VOPP1: variants seen among roughly 807,000 people sequenced by gnomAD.
VOPP1 encodes WW domain binding protein VOPP1.
A neutral mutation model predicts 23.5 loss-of-function variants in VOPP1; 8 were observed. The ratio of observed to expected loss-of-function variants is 0.34; its 90% CI spans 0.20 to 0.61. The LOEUF is 0.61. Ranked by LOEUF, VOPP1 falls within the 20% of genes least tolerant of loss-of-function variation. The pLI is 0.78. For synonymous variants in VOPP1, 83 were observed against 97.3 expected (o/e 0.85, Z 0.86); for missense variants, 174 against 238.1 (o/e 0.73, Z 1.77).
At chr7:55,457,619 A>ATT (rs56695972) in intron 4 of VOPP1, among the ~76,000 whole-genome samples, 4,962 of 149,178 alleles carry the variant, frequency 0.033, 218 homozygotes, top group African/African-American at 0.11. Context: ...TGTTGCCAGC[A>ATT]TTTTTTTTTT....
intron 2 of VOPP1, among the ~76,000 whole-genome samples, chr7:55,517,747 C>T (rs927304888): frequency 6.6e-6 from 1 of 152,152 alleles, no homozygotes; most frequent in Non-Finnish European, 1.5e-5. Context: ...TTGCAGCAGA[C>T]CTCTCCTTGA....
intron 4 of VOPP1, among the ~76,000 whole-genome samples, chr7:55,484,337 G>A (rs937002898): frequency 6.6e-6 from 1 of 152,196 alleles, no homozygotes; most frequent in Non-Finnish European, 1.5e-5. Context: ...TCATCCTCGT[G>A]AGCCTCCTTC....
At chr7:55,551,868 C>T (rs1426282765) in intron 1 of VOPP1, among the ~76,000 whole-genome samples, 2 of 152,020 alleles carry the variant, frequency 1.3e-5, no homozygotes, top group Non-Finnish European at 2.9e-5. Context: ...GGTGAATCCC[C>T]GTCTCTACTA....
chr7:55,472,760 G>T lies in VOPP1; in HGVS notation c.*95C>A. On this transcript the variant is annotated 3_prime_UTR_variant, in exon 5 of 5. Transcript: ENST00000285279. ...GATATCAGAGGAACTGCCCTTAGCAGCCCACGAGACCGTTCCTGGAAGTGA... is the reference window on the plus strand; with the variant it reads ...GATATCAGAGGAACTGCCCTTAGCATCCCACGAGACCGTTCCTGGAAGTGA... 3.4e-6 allele frequency: 2 copies of T among 596,412 alleles called. No individual in the cohort carries two copies. Among genetic ancestry groups the T allele is most frequent in the East Asian group, 3.5e-5 (1 of 28,242 alleles). The allele number at this position is 596,412 out of a possible 1,614,324, so 36.9% of individuals were successfully genotyped here. A position where few individuals can be genotyped will look rare whatever the true frequency, so the allele number is the denominator to read the frequency against.
chr7:55,442,850 C>T (rs1342350611), intron 4 of VOPP1, among the ~76,000 whole-genome samples: 1 of 152,200 alleles, frequency 6.6e-6, no homozygotes, highest in Non-Finnish European at 1.5e-5. Flanking sequence ...GGTGCGGTGG[C>T]TCATGCCTGT....
Position 55,534,295 on chromosome 7 carries a change from T to A in VOPP1, c.55-13165A>T, listed in dbSNP as rs140273207. Among the ~76,000 whole-genome samples, 731 of 152,238 alleles carry A rather than the reference T, an allele frequency of 4.8e-3. 5 individuals are homozygous for A. Among genetic ancestry groups the A allele is most frequent in the Non-Finnish European group, 7.9e-3 (534 of 68,020 alleles). On this transcript the variant is annotated intron_variant, in intron 1 of 4. Transcript: ENST00000285279. ...ATCTGGGGACTTGGCTGTCAAAAGATAATCATCTCTTGCTTCATTTCTCAT... is the reference window on the plus strand; with the variant it reads ...ATCTGGGGACTTGGCTGTCAAAAGAAAATCATCTCTTGCTTCATTTCTCAT...
At chr7:55,446,244 C>T (rs13223710) in intron 4 of VOPP1, among the ~76,000 whole-genome samples, 40,074 of 151,984 alleles carry the variant, frequency 0.26, 6,746 homozygotes, top group Non-Finnish European at 0.38. Flanking sequence ...CTGCCCACCT[C>T]GGCCTCCCAA....
intron 4 of VOPP1, among the ~76,000 whole-genome samples, chr7:55,440,926 A>G (rs1005452454): frequency 9.9e-5 from 15 of 152,246 alleles, no homozygotes; most frequent in African/African-American, 3.6e-4. Context: ...GTCCTGTGCC[A>G]AAACCATGTT....
chr7:55,496,541 G>A (rs1360446193), intron 3 of VOPP1, among the ~76,000 whole-genome samples: 1 of 152,170 alleles, frequency 6.6e-6, no homozygotes, highest in Admixed American at 6.5e-5. Context: ...GGCTTACCGG[G>A]CTGGTCCTAA....
At chr7:55,506,440 A>G (rs947687212) in intron 2 of VOPP1, among the ~76,000 whole-genome samples, 2 of 152,004 alleles carry the variant, frequency 1.3e-5, no homozygotes, top group Non-Finnish European at 2.9e-5. Flanking sequence ...GGTTCAAGTG[A>G]TTTTCCTGCC....
At chr7:55,493,424 A>G (rs1459146779) in intron 3 of VOPP1, among the ~76,000 whole-genome samples, 7 of 152,264 alleles carry the variant, frequency 4.6e-5, no homozygotes, top group Non-Finnish European at 8.8e-5. Flanking sequence ...TCCACATATA[A>G]AAGAAGCTCT....
chr7:55,518,362 C>G (rs1485159709), intron 2 of VOPP1, among the ~76,000 whole-genome samples: 1 of 152,188 alleles, frequency 6.6e-6, no homozygotes. Flanking sequence ...AAAAAAGTAA[C>G]AGAGCAAATA....
chr7:55,463,040 G>GTAT (rs1173761895), intron 4 of VOPP1, among the ~76,000 whole-genome samples: 1 of 151,978 alleles, frequency 6.6e-6, no homozygotes, highest in Non-Finnish European at 1.5e-5. Context: ...TGATTTCTCT[G>GTAT]TATTATTATT....
downstream of VOPP1, chr7:55,435,946 G>A (rs533148531): frequency 1.3e-5 from 2 of 152,422 alleles, no homozygotes; most frequent in East Asian, 3.9e-4. Context: ...CACGGCAGAA[G>A]CCTTGAGCTG....
At chr7:55,445,890 T>A (rs1229328547) in intron 4 of VOPP1, among the ~76,000 whole-genome samples, 2 of 152,224 alleles carry the variant, frequency 1.3e-5, no homozygotes, top group South Asian at 2.1e-4. Context: ...AGTGTTCACA[T>A]GTAGCTAGTG....
chr7:55,565,609 G>A (rs1798138569), intron 1 of VOPP1, among the ~76,000 whole-genome samples: 1 of 152,192 alleles, frequency 6.6e-6, no homozygotes, highest in South Asian at 2.1e-4. Context: ...TGGAAACAAT[G>A]TAAAGTCCTC....
At chr7:55,563,339 C>T (rs1798051612) in intron 1 of VOPP1, among the ~76,000 whole-genome samples, 2 of 152,062 alleles carry the variant, frequency 1.3e-5, no homozygotes, top group Admixed American at 6.5e-5. Flanking sequence ...TTAAAAAAAT[C>T]AGTATCAAAT....
At chr7:55,568,081 C>CAT (rs1798220383) in intron 1 of VOPP1, among the ~76,000 whole-genome samples, 1 of 124,042 alleles carries the variant, frequency 8.1e-6, no homozygotes, top group Non-Finnish European at 1.6e-5. Context: ...ACAACTATTC[C>CAT]TTTTTTTTTT....
At chr7:55,544,902 G>A (rs995018654) in intron 1 of VOPP1, among the ~76,000 whole-genome samples, 4 of 152,180 alleles carry the variant, frequency 2.6e-5, no homozygotes. Context: ...TACTAAATGT[G>A]GATTTAACCA....
Sources: gnomAD v4.1 joint callset for allele counts (sites outside exome capture counted in the v4.1 genomes callset) on GRCh38, gnomAD v4.1.1 for gene constraint, MANE v1.5 for transcripts, NCBI Gene and HGNC (gene_info 2026-07-23, HGNC 2026-07-21) for gene names.